The following HERC2 variants were observed in gnomAD, a reference collection of about 807,000 sequenced individuals.
The protein encoded by HERC2 is HECT and RLD domain containing E3 ubiquitin protein ligase 2.
Under a neutral mutation model 537.7 loss-of-function variants are expected in HERC2, and 102 were observed. That is an observed-to-expected ratio of 0.19 (90% CI 0.16 to 0.22). The LOEUF (loss-of-function observed/expected upper bound fraction) is 0.22, where lower values mean the gene tolerates loss of function less well. Ranked by LOEUF, HERC2 falls within the 10% of genes least tolerant of loss-of-function variation. The probability of loss-of-function intolerance (pLI) is 1.00; values close to 1 mark genes in which losing one functional copy is unlikely to be tolerated. For missense variants in HERC2, 4,236 were observed against 6,198.2 expected (o/e 0.68, Z 10.63); for synonymous variants, 2,224 against 2,466.2 (o/e 0.90, Z 2.91).
chr15:28,279,183 G>A (rs1288253082), intron 5 of HERC2, among the ~76,000 whole-genome samples: 1 of 151,948 alleles, frequency 6.6e-6, no homozygotes, highest in Non-Finnish European at 1.5e-5. Context: ...AGTAGAGATG[G>A]GGTTTCTCCA....
intron 83 of HERC2, among the ~76,000 whole-genome samples, chr15:28,126,675 C>T (rs894512908): frequency 2.0e-5 from 3 of 152,070 alleles, no homozygotes; most frequent in African/African-American, 2.4e-5. Flanking sequence ...GATGCAACGG[C>T]ATAAGAATGA....
chr15:28,308,535 T>C (rs2076854753), intron 2 of HERC2, among the ~76,000 whole-genome samples: 1 of 152,316 alleles, frequency 6.6e-6, no homozygotes, highest in Admixed American at 6.5e-5. Context: ...TGTGGAGGCC[T>C]TTTATTTCTT....
chr15:28,283,208 T>A (rs2442400), intron 4 of HERC2, among the ~76,000 whole-genome samples: 4 of 151,984 alleles, frequency 2.6e-5, no homozygotes, highest in African/African-American at 2.4e-5. Flanking sequence ...CTACAGATCT[T>A]AGGTAAGCAA....
intron 70 of HERC2, among the ~76,000 whole-genome samples, chr15:28,150,955 T>C: frequency 6.6e-6 from 1 of 152,096 alleles, no homozygotes; most frequent in Non-Finnish European, 1.5e-5. Flanking sequence ...TTCACTAGAG[T>C]CCACTTCAGA....
Position 28,116,809 on chromosome 15 carries a change from T to C in HERC2, c.13465A>G (p.Ile4489Val). The change falls in exon 88 of 93, where the codon ATC (isoleucine) becomes GTC (valine). Residue 4489 changes from isoleucine (I) to valine (V), a missense_variant. Physicochemically the swap from Ile to Val is conservative, Grantham distance 29. Transcript: ENST00000261609. ...AGTCCGTTCTGCAGCTCCTCACAGA[T>C]CTCAGCTATGGACTCGCTGTAGCCG... ...GGGYSESIAE[I>V]CEELQNGLTP... 6.2e-7 allele frequency: 1 copy of C among 1,613,784 alleles called. No homozygotes were observed. The highest frequency in any genetic ancestry group is 8.5e-7 in the Non-Finnish European group (1 of 1,179,984).
In HERC2 at chr15:28,120,628, A is replaced by T. The variant is rs576626612; in HGVS notation, c.13272+718T>A. 5.3e-5 allele frequency among the ~76,000 whole-genome samples: 8 copies of T among 152,348 alleles called. No individual in the cohort carries two copies. In the East Asian group the frequency reaches 1.4e-3, roughly 26 times the overall value. On this transcript the variant is annotated intron_variant, in intron 86 of 92. Transcript: ENST00000261609. ...TGATTACTACCCATGAGACAGTATT[A>T]GTAATTCTGGCCTATGAAATTGGCA...
At chr15:28,238,270 G>C (rs1902670174) in intron 24 of HERC2, 53 bp from the exon 25 acceptor site, 1 of 1,267,154 alleles carries the variant, frequency 7.9e-7, no homozygotes, top group Admixed American at 1.7e-5. Flanking sequence ...TGCCTGAAGA[G>C]ATATAGGAGA....
chr15:28,152,939 A>G (rs2142346985), intron 69 of HERC2, 109 bp from the exon 70 acceptor site: 1 of 1,096,370 alleles, frequency 9.1e-7, no homozygotes, highest in Non-Finnish European at 1.3e-6. Flanking sequence ...ACAGCGTGGC[A>G]GAGTGGAGGG....
At position 28,113,492 on chromosome 15, in the gene HERC2, T is replaced by C; in HGVS notation, c.14019+81A>G. On this transcript the variant is annotated intron_variant, in intron 91 of 92. Coordinates refer to ENST00000261609, the MANE Select transcript of HERC2 (RefSeq NM_004667.6). The surrounding 1 kb of genome is among the most constrained non-coding windows in gnomAD (Gnocchi z 7.0). ...TCAGTCAACACACAGGGCAAGGTTC[T>C]GACTCTAACTGCTGTCACTGATTTG... 7.8e-7 allele frequency: 1 copy of C among 1,285,902 alleles called. No homozygotes were observed. Among genetic ancestry groups the C allele is most frequent in the Non-Finnish European group, 1.1e-6 (1 of 887,570 alleles). The allele number at this position is 1,285,902 out of a possible 1,614,324, so 79.7% of individuals were successfully genotyped here. A position where few individuals can be genotyped will look rare whatever the true frequency, so the allele number is the denominator to read the frequency against.
chr15:28,228,062 C>T (rs1901408848), intron 35 of HERC2, among the ~76,000 whole-genome samples, 156 bp downstream of exon 35: 1 of 151,608 alleles, frequency 6.6e-6, no homozygotes, highest in Admixed American at 6.6e-5. Flanking sequence ...GTATTTGATA[C>T]CGCTGAATTG....
At chr15:28,118,493 G>A (rs1595977197) in intron 86 of HERC2, 1 of 152,222 alleles carries the variant, frequency 6.6e-6, no homozygotes, top group East Asian at 1.9e-4. Flanking sequence ...CAATAACTCT[G>A]TAATAAATTT....
chr15:28,124,192 C>T lies in HERC2; in HGVS notation c.13033G>A (p.Ala4345Thr). 1 of 1,546,402 alleles carries T rather than the reference C, an allele frequency of 6.5e-7. No homozygotes were observed. Among genetic ancestry groups the T allele is most frequent in the South Asian group, 1.2e-5 (1 of 81,724 alleles). The part of the protein sequence containing the change: ...YNHLQEIPII[A>T]LRNRLLLLHH... ...AGCAGCAGCAGACGGTTCCTCAGCGCAATGATGGGGATCTCCTGCAGGTGA... is the reference window on the plus strand; with the variant it reads ...AGCAGCAGCAGACGGTTCCTCAGCGTAATGATGGGGATCTCCTGCAGGTGA... Residue 4345 changes from alanine (A) to threonine (T), a missense_variant, in exon 85 of 93, where the codon GCG becomes ACG. Ala to Thr is a moderately conservative substitution (Grantham distance 58). Around this residue, in one of 27 missense-constraint regions of HERC2, gnomAD observed 189 missense variants for 255.7 expected, o/e 0.74. Transcript: ENST00000261609.
At chr15:28,192,193 C>T (rs1896916921) in intron 52 of HERC2, 42 bp from the exon 53 acceptor site, 1 of 1,515,274 alleles carries the variant, frequency 6.6e-7, no homozygotes, top group Non-Finnish European at 9.1e-7. Context: ...CCTTGCTGAA[C>T]TGGGGAGAAA....
At chr15:28,280,379 T>TA in intron 4 of HERC2, 92 bp from the exon 5 acceptor site, 1 of 1,018,930 alleles carries the variant, frequency 9.8e-7, no homozygotes, top group Non-Finnish European at 1.4e-6. Context: ...CGACAGGTAG[T>TA]ACTCGAAGGC....
chr15:28,169,151 C>T (rs1039149894), intron 66 of HERC2, among the ~76,000 whole-genome samples: 2 of 152,218 alleles, frequency 1.3e-5, no homozygotes, highest in Non-Finnish European at 1.5e-5. Context: ...CTCAAGTGAG[C>T]GAAGGGGATG....
chr15:28,132,354 G>A, intron 80 of HERC2, 93 bp from the exon 81 acceptor site: 1 of 1,213,210 alleles, frequency 8.2e-7, no homozygotes, highest in Non-Finnish European at 1.1e-6. Context: ...TTTTTTATGG[G>A]GGTACCTGTT....
In HERC2 at chr15:28,274,413, C is replaced by T; in HGVS notation, c.678G>A (p.Gln226=). 6.2e-7 allele frequency: 1 copy of T among 1,613,408 alleles called. No homozygotes were observed. Among genetic ancestry groups the T allele is most frequent in the South Asian group, 1.1e-5 (1 of 90,958 alleles). The change falls in exon 7 of 93, where the codon CAG becomes CAA. Residue 226 remains glutamine (Q), a synonymous_variant. Coordinates refer to ENST00000261609, the MANE Select transcript of HERC2 (RefSeq NM_004667.6). ...EDADLCSELL[Q]ESLDALRALP... Reference sequence around the variant, plus strand: ...GTGCTCGCAGGGCGTCCAGGGACTCCTGCAACAGCTCACTGCAGAGGTCCG... The same window carrying T: ...GTGCTCGCAGGGCGTCCAGGGACTCTTGCAACAGCTCACTGCAGAGGTCCG...
chr15:28,146,358 A>G lies in HERC2; in HGVS notation c.10901-14T>C, dbSNP rs746187976. 1.8e-5 allele frequency: 28 copies of G among 1,591,620 alleles called. No individual in the cohort carries two copies. Among genetic ancestry groups the G allele is most frequent in the East Asian group, 4.5e-5 (2 of 44,800 alleles). The stretch of plus-strand genomic sequence containing the variant: ...GTCCTTCTGCACCTGAAGGACAGGC[A>G]AGCACAAAACATAGCAACCACTCCA... On this transcript the variant is annotated splice_polypyrimidine_tract_variant and intron_variant, in intron 70 of 92. Transcript: ENST00000261609.
At chr15:28,251,630 G>A (rs1410870598) in intron 20 of HERC2, among the ~76,000 whole-genome samples, 8 of 151,916 alleles carry the variant, frequency 5.3e-5, no homozygotes, top group African/African-American at 1.9e-4. Context: ...GTGAAACCCT[G>A]TCTCTACAAA....
Sources: allele counts gnomAD v4.1 joint callset (sites outside exome capture counted in the v4.1 genomes callset), GRCh38; gene constraint gnomAD v4.1.1; regional missense constraint gnomAD v4.1.1; non-coding constraint Gnocchi (gnomAD v3.1); transcripts MANE v1.5; gene names NCBI Gene and HGNC (gene_info 2026-07-23, HGNC 2026-07-21).